The following CCK variants were observed in gnomAD, a reference collection of about 807,000 sequenced individuals.
The protein encoded by CCK is cholecystokinin triacontatriapeptide.
A neutral mutation model predicts 10.1 loss-of-function variants in CCK; 11 were observed. That is an observed-to-expected ratio of 1.09 (90% CI 0.69 to 1.81). CCK has a LOEUF of 1.81. Ranked by LOEUF, CCK falls within the 40% of genes most tolerant of loss-of-function variation. The pLI, the probability that CCK is intolerant of heterozygous loss-of-function variation, is 0.00. For missense variants in CCK, 137 were observed against 159.9 expected (o/e 0.86, Z 0.77); for synonymous variants, 83 against 71.9 (o/e 1.15, Z -0.78).
chr3:42,260,196 T>C (rs1711191953), intron 4 of CCK, among the ~76,000 whole-genome samples: 1 of 152,204 alleles, frequency 6.6e-6, no homozygotes, highest in African/African-American at 2.4e-5. Context: ...TCAGGTCTTT[T>C]TGCAGATATC....
rs1426098437 is a variant in CCK at position 42,263,298 on chromosome 3, T to TG, written c.214+118dup. 3 of 1,471,336 alleles carry TG rather than the reference T, an allele frequency of 2.0e-6. No homozygotes were observed. The African/African-American group carries it at 4.2e-5, about 20-fold the overall frequency. 91.1% of individuals were successfully genotyped at this position (1,471,336 alleles called of 1,614,324 possible). The stretch of plus-strand genomic sequence containing the variant: ...TGCTACAAAGGACCGCCAGAAATCA[T>TG]GTTGCTTGTTTCCTACCGAGAGAGG... On this transcript the variant is annotated intron_variant, in intron 4 of 4. Transcript: ENST00000396169.
At chr3:42,263,829 G>T in intron 3 of CCK, 197 bp from the exon 4 acceptor site, 1 of 841,954 alleles carries the variant, frequency 1.2e-6, no homozygotes, top group Non-Finnish European at 1.7e-6. Flanking sequence ...GCACCTGGCT[G>T]GTCTTTGGGA....
chr3:42,261,896 G>A (rs1711220044), intron 4 of CCK, among the ~76,000 whole-genome samples: 1 of 152,168 alleles, frequency 6.6e-6, no homozygotes, highest in African/African-American at 2.4e-5. Flanking sequence ...CATCTGAGAA[G>A]TATTTCTATC....
intron 4 of CCK, among the ~76,000 whole-genome samples, chr3:42,259,761 G>A (rs1711187361): frequency 6.6e-6 from 1 of 152,206 alleles, no homozygotes; most frequent in African/African-American, 2.4e-5. Context: ...CTAGCTCAAA[G>A]TTCATAGACA....
chr3:42,260,756 T>C (rs1577101788), intron 4 of CCK, among the ~76,000 whole-genome samples: 1 of 152,356 alleles, frequency 6.6e-6, no homozygotes, highest in East Asian at 1.9e-4. Context: ...AATCACCTTA[T>C]TCCTGGAGAA....
chr3:42,263,376 A>G, intron 4 of CCK, 41 bp downstream of exon 4: 1 of 1,614,014 alleles, frequency 6.2e-7, no homozygotes, highest in East Asian at 2.2e-5. Context: ...GGAGCCTGGG[A>G]ACAAGGGCAG....
At chr3:42,262,029 G>T (rs1711222152) in intron 4 of CCK, among the ~76,000 whole-genome samples, 1 of 152,114 alleles carries the variant, frequency 6.6e-6, no homozygotes, top group South Asian at 2.1e-4. Context: ...CTGGGTCAGA[G>T]TTCCAGTCTT....
Position 42,262,351 on chromosome 3 carries a change from G to A in CCK, c.214+1066C>T, listed in dbSNP as rs573882181. On this transcript the variant is annotated intron_variant, in intron 4 of 4. Transcript: ENST00000396169. ...CTCTCCTGCTTCAGCCTCCCGTGTA[G>A]CTGGGATTACAAGCATGTGCCACCA... Among the ~76,000 whole-genome samples, 206 of 151,364 alleles carry A rather than the reference G, an allele frequency of 1.4e-3. 1 individual carries two copies. Among genetic ancestry groups the A allele is most frequent in the Non-Finnish European group, 2.1e-3 (144 of 67,962 alleles).
intron 4 of CCK, among the ~76,000 whole-genome samples, chr3:42,260,020 T>G (rs1711190284): frequency 6.6e-6 from 1 of 152,194 alleles, no homozygotes; most frequent in African/African-American, 2.4e-5. Context: ...AGAGTCAGAC[T>G]ATGGCTTATG....
At chr3:42,263,336 G>C (rs1711241686) in intron 4 of CCK, 81 bp downstream of exon 4, 1 of 1,604,482 alleles carries the variant, frequency 6.2e-7, no homozygotes, top group African/African-American at 1.3e-5. Flanking sequence ...ATCCCCATCA[G>C]GCTAGCGCTA....
At chr3:42,258,331 A>T in intron 4 of CCK, 100 bp from the exon 5 acceptor site, 1 of 1,288,578 alleles carries the variant, frequency 7.8e-7, no homozygotes, top group Non-Finnish European at 1.1e-6. Flanking sequence ...GACGCAATAT[A>T]ACAGACACCA....
chr3:42,262,311 C>G (rs1324510334), intron 4 of CCK, among the ~76,000 whole-genome samples: 1 of 151,702 alleles, frequency 6.6e-6, no homozygotes, highest in Non-Finnish European at 1.5e-5. Flanking sequence ...ACCTCCACCT[C>G]CCGAGTTCAA....
intron 4 of CCK, 105 bp downstream of exon 4, chr3:42,263,312 T>G (rs1711241189): frequency 6.4e-7 from 1 of 1,553,710 alleles, no homozygotes; most frequent in Non-Finnish European, 8.9e-7. Context: ...GCTTGTTTCC[T>G]ACCGAGAGAG....
At chr3:42,259,647 G>A (rs1711186298) in intron 4 of CCK, among the ~76,000 whole-genome samples, 1 of 152,174 alleles carries the variant, frequency 6.6e-6, no homozygotes, top group South Asian at 2.1e-4. Flanking sequence ...TTGTCCCATT[G>A]GGATGGAAGT....
At chr3:42,264,161 GT>G (rs11328368) in intron 3 of CCK, among the ~76,000 whole-genome samples, 125,107 of 152,102 alleles carry the variant, frequency 0.82, 52,173 homozygotes, top group Non-Finnish European at 0.89. Context: ...TATTTATAAA[GT>G]TTTTCTCAAA....
intron 4 of CCK, among the ~76,000 whole-genome samples, chr3:42,261,827 T>C (rs1360304860): frequency 1.3e-5 from 2 of 152,192 alleles, no homozygotes; most frequent in East Asian, 3.8e-4. Context: ...GGACAGATAC[T>C]AAATTATTTT....
chr3:42,259,964 C>T (rs777307096), intron 4 of CCK, among the ~76,000 whole-genome samples: 2 of 152,186 alleles, frequency 1.3e-5, no homozygotes, highest in Non-Finnish European at 2.9e-5. Context: ...GTCTATATCC[C>T]TTCTGCATGA....
chr3:42,260,531 C>T (rs1323318804), intron 4 of CCK, among the ~76,000 whole-genome samples: 1 of 152,216 alleles, frequency 6.6e-6, no homozygotes, highest in Non-Finnish European at 1.5e-5. Flanking sequence ...GTTCTGTCCT[C>T]ATGTCATGTG....
In CCK at chr3:42,264,436, T is replaced by C. The variant is rs1224078489; in HGVS notation, c.-3+261A>G. ...GCTGTGTAACAGCTAGCAAACTCAA[T>C]CTGCATGCGAATCTTAGCGAATGGG... On this transcript the variant is annotated intron_variant, in intron 3 of 4. Transcript: ENST00000396169. Among the ~76,000 whole-genome samples the C allele has an allele frequency of 3.3e-5, 5 of 152,258 alleles. No homozygotes were observed. In the East Asian group the frequency reaches 7.7e-4, roughly 23 times the overall value.
Sources: allele counts gnomAD v4.1 joint callset (sites outside exome capture counted in the v4.1 genomes callset), GRCh38; gene constraint gnomAD v4.1.1; transcripts MANE v1.5; gene names NCBI Gene and HGNC (gene_info 2026-07-23, HGNC 2026-07-21).